Variants in GPC5 observed in about 807,000 individuals in gnomAD.
GPC5 encodes glypican 5.
In GPC5, 47 loss-of-function variants were observed where a neutral mutation model predicts 53.9. The observed-to-expected ratio is 0.87, with a 90% CI of 0.69 to 1.11. The LOEUF is 1.11. Ranked by LOEUF, GPC5 falls within the 50% of genes most tolerant of loss-of-function variation. The pLI is 0.00. For missense variants in GPC5, 748 were observed against 713.1 expected, an observed-to-expected ratio of 1.05 and a Z score of -0.56; for synonymous variants, 286 against 263.3, an observed-to-expected ratio of 1.09 and a Z score of -0.84.
intron 7 of GPC5, among the ~76,000 whole-genome samples, chr13:92,347,886 ATATATT>A (rs2043433654): frequency 1.0e-4 from 2 of 19,492 alleles, no homozygotes; most frequent in African/African-American, 8.7e-4. Context: ...TATATATTAT[ATATATT>A]ATATATATAA....
At chr13:91,709,876 T>G (rs1397592045) in intron 3 of GPC5, among the ~76,000 whole-genome samples, 1 of 152,202 alleles carries the variant, frequency 6.6e-6, no homozygotes, top group Non-Finnish European at 1.5e-5. Flanking sequence ...AATTGATCTT[T>G]TTGCCTGTAG....
chr13:92,632,556 A>T (rs1885283068), intron 7 of GPC5, among the ~76,000 whole-genome samples: 1 of 150,834 alleles, frequency 6.6e-6, no homozygotes, highest in Admixed American at 6.6e-5. Context: ...ATATATTCCA[A>T]TTCTGCCCTA....
At chr13:91,969,823 C>T (rs1486876762) in intron 6 of GPC5, among the ~76,000 whole-genome samples, 1 of 152,080 alleles carries the variant, frequency 6.6e-6, no homozygotes, top group African/African-American at 2.4e-5. Context: ...TATATCGCCA[C>T]ATTGGTTGGG....
intron 7 of GPC5, among the ~76,000 whole-genome samples, chr13:92,859,390 T>G (rs1011478953): frequency 9.2e-5 from 14 of 152,294 alleles, no homozygotes; most frequent in African/African-American, 3.1e-4. Flanking sequence ...TTTCTCTTTG[T>G]CTTTGGTACT....
At chr13:91,578,184 T>C (rs947369731) in intron 2 of GPC5, among the ~76,000 whole-genome samples, 1 of 152,182 alleles carries the variant, frequency 6.6e-6, no homozygotes, top group Non-Finnish European at 1.5e-5. Flanking sequence ...GTGAGCCTTC[T>C]TGGAAGCAGA....
intron 2 of GPC5, among the ~76,000 whole-genome samples, chr13:91,629,013 T>G (rs1741695997): frequency 6.6e-6 from 1 of 152,164 alleles, no homozygotes; most frequent in Non-Finnish European, 1.5e-5. Context: ...TTTTGGAGAG[T>G]TATTGTGGCA....
At chr13:91,794,063 G>A (rs527854167) in intron 5 of GPC5, among the ~76,000 whole-genome samples, 6 of 152,072 alleles carry the variant, frequency 3.9e-5, no homozygotes, top group Admixed American at 2.0e-4. Context: ...TTCCAGTGTC[G>A]AGTCAAAATT....
intron 5 of GPC5, among the ~76,000 whole-genome samples, chr13:91,897,355 G>GTT (rs1428190814): frequency 7.2e-6 from 1 of 138,496 alleles, no homozygotes; most frequent in Non-Finnish European, 1.6e-5. Flanking sequence ...GTGTGTGTGT[G>GTT]TGTGTGTGTG....
intron 5 of GPC5, among the ~76,000 whole-genome samples, chr13:91,784,424 C>T (rs1326888731): frequency 6.6e-6 from 1 of 152,046 alleles, no homozygotes; most frequent in Non-Finnish European, 1.5e-5. Context: ...AGTCATCCCA[C>T]TTAAAATTAC....
intron 2 of GPC5, among the ~76,000 whole-genome samples, chr13:91,498,874 G>C (rs753280572): frequency 3.3e-5 from 5 of 152,104 alleles, no homozygotes; most frequent in African/African-American, 7.2e-5. Context: ...AGGAGGCTGA[G>C]GCAGGAGAAT....
intron 2 of GPC5, among the ~76,000 whole-genome samples, chr13:91,642,434 C>T (rs1338276154): frequency 3.3e-5 from 5 of 152,120 alleles, no homozygotes; most frequent in Admixed American, 3.3e-4. Context: ...CAGGAAGCGA[C>T]TGAAAAGGAG....
intron 6 of GPC5, among the ~76,000 whole-genome samples, chr13:92,131,842 T>C (rs1229589606): frequency 2.6e-5 from 4 of 152,018 alleles, no homozygotes; most frequent in Non-Finnish European, 5.9e-5. Flanking sequence ...GTAAATTATA[T>C]ATTAATATTT....
intron 7 of GPC5, among the ~76,000 whole-genome samples, chr13:92,477,126 A>C (rs1479805869): frequency 5.9e-5 from 9 of 152,160 alleles, no homozygotes; most frequent in African/African-American, 1.9e-4. Flanking sequence ...ACATTTAGTA[A>C]TGAGCAAATC....
At chr13:92,220,453 T>C (rs1332664274) in intron 7 of GPC5, among the ~76,000 whole-genome samples, 1 of 152,154 alleles carries the variant, frequency 6.6e-6, no homozygotes, top group African/African-American at 2.4e-5. Flanking sequence ...GGGCGTAAAA[T>C]CTATTTACAG....
At chr13:92,796,745 ACAT>A (rs1876699217) in intron 7 of GPC5, among the ~76,000 whole-genome samples, 1 of 151,996 alleles carries the variant, frequency 6.6e-6, no homozygotes, top group East Asian at 1.9e-4. Context: ...ATCCAATGCT[ACAT>A]CAGTCAGAAA....
At chr13:92,749,736 A>G (rs1889333468) in intron 7 of GPC5, among the ~76,000 whole-genome samples, 1 of 152,184 alleles carries the variant, frequency 6.6e-6, no homozygotes, top group Non-Finnish European at 1.5e-5. Flanking sequence ...TGGAGAGTAC[A>G]ACAATTTGTA....
chr13:91,720,734 C>G (rs537294979), intron 3 of GPC5, among the ~76,000 whole-genome samples: 89 of 152,234 alleles, frequency 5.8e-4, no homozygotes, highest in African/African-American at 2.1e-3. Flanking sequence ...AATTTCTTCC[C>G]AAATCTCTTC....
chr13:91,939,818 T>G (rs889352519), intron 6 of GPC5, among the ~76,000 whole-genome samples: 1 of 152,110 alleles, frequency 6.6e-6, no homozygotes, highest in Non-Finnish European at 1.5e-5. Flanking sequence ...CATACTGAAT[T>G]AATGATTTAT....
chr13:92,761,941 TCAGAAATAAAA>T (rs2138738040), intron 7 of GPC5, among the ~76,000 whole-genome samples: 2 of 152,142 alleles, frequency 1.3e-5, no homozygotes, highest in South Asian at 4.1e-4. Context: ...AAACTGTCCT[TCAGAAATAAAA>T]GAGAAATAAA....
Sources: allele counts gnomAD v4.1 joint callset (sites outside exome capture counted in the v4.1 genomes callset), GRCh38; gene constraint gnomAD v4.1.1; transcripts MANE v1.5; gene names NCBI Gene and HGNC (gene_info 2026-07-23, HGNC 2026-07-21).